NCAM2: variants seen among roughly 807,000 people sequenced by gnomAD.
NCAM2 encodes the protein neural cell adhesion molecule 2, also known as N-CAM-2.
In NCAM2, 30 loss-of-function variants were observed where a neutral mutation model predicts 98.1. The ratio of observed to expected loss-of-function variants is 0.31; its 90% confidence interval spans 0.23 to 0.41. The LOEUF is 0.41. NCAM2 is among the 10% of genes least tolerant of loss of function. The pLI is 1.00. For missense variants in NCAM2, 867 were observed against 1,005.8 expected (o/e 0.86, Z 1.87); for synonymous variants, 368 against 342.4 (o/e 1.07, Z -0.83).
intron 1 of NCAM2, among the ~76,000 whole-genome samples, chr21:21,058,516 A>G (rs796482505): frequency 5.3e-5 from 8 of 152,252 alleles, no homozygotes; most frequent in African/African-American, 1.9e-4. Context: ...ATAAAAAGAA[A>G]CATGTAGCTA....
chr21:21,170,156 G>T (rs1271905890), intron 1 of NCAM2, among the ~76,000 whole-genome samples: 4 of 152,168 alleles, frequency 2.6e-5, no homozygotes. Context: ...TTGGTGGCGT[G>T]AATGGAAAAT....
intron 6 of NCAM2, among the ~76,000 whole-genome samples, chr21:21,329,110 A>T (rs755403008): frequency 6.6e-6 from 1 of 151,866 alleles, no homozygotes; most frequent in South Asian, 2.1e-4. Context: ...ATGTGCCACC[A>T]TGCCCGGCTA....
chr21:21,523,942 G>A (rs1989174521), intron 16 of NCAM2, among the ~76,000 whole-genome samples: 1 of 151,500 alleles, frequency 6.6e-6, no homozygotes, highest in South Asian at 2.1e-4. Context: ...CATTGTATCA[G>A]TAATTACCTG....
chr21:21,361,941 T>TACG (rs1297095971), intron 8 of NCAM2, among the ~76,000 whole-genome samples: 1 of 152,152 alleles, frequency 6.6e-6, no homozygotes, highest in African/African-American at 2.4e-5. Flanking sequence ...TACAGGTTTG[T>TACG]TATATAGGTA....
chr21:21,001,478 A>G (rs2064018805), intron 1 of NCAM2, among the ~76,000 whole-genome samples: 1 of 152,236 alleles, frequency 6.6e-6, no homozygotes, highest in African/African-American at 2.4e-5. Context: ...ACTTGGTCAC[A>G]GGCTTTGTAA....
intron 1 of NCAM2, among the ~76,000 whole-genome samples, chr21:21,092,918 A>G (rs1370923623): frequency 6.6e-6 from 1 of 152,086 alleles, no homozygotes; most frequent in East Asian, 1.9e-4. Context: ...AAAGCTAACA[A>G]TGTAAGTTTT....
At chr21:21,401,326 A>G (rs1345220258) in intron 9 of NCAM2, among the ~76,000 whole-genome samples, 1 of 152,158 alleles carries the variant, frequency 6.6e-6, no homozygotes, top group Non-Finnish European at 1.5e-5. Context: ...TGGTGAGAAC[A>G]TTTGAAATGT....
chr21:21,163,442 A>G (rs1438562230), intron 1 of NCAM2, among the ~76,000 whole-genome samples: 1 of 151,362 alleles, frequency 6.6e-6, no homozygotes, highest in Non-Finnish European at 1.5e-5. Context: ...ATTAATCAGC[A>G]CTCTTCCCTC....
At chr21:21,276,138 T>C (rs991148327) in intron 1 of NCAM2, among the ~76,000 whole-genome samples, 3 of 152,098 alleles carry the variant, frequency 2.0e-5, no homozygotes, top group African/African-American at 7.2e-5. Flanking sequence ...TAAAGTCTTC[T>C]TGATCATAAA....
In NCAM2 at chr21:21,338,448, C is replaced by T. The variant is rs1280231775; in HGVS notation, c.958C>T (p.Leu320Phe). 6 of 1,612,686 alleles carry T rather than the reference C, an allele frequency of 3.7e-6. No individual in the cohort carries two copies. Among genetic ancestry groups the T allele is most frequent in the Non-Finnish European group, 2.5e-6 (3 of 1,179,238 alleles). The change falls in exon 8 of 18, where the codon CTC becomes TTC. Residue 320 changes from leucine to phenylalanine, a missense_variant. By Grantham distance (22) the Leu-to-Phe change is conservative (BLOSUM62 0). This residue lies in a region of NCAM2 where 447 missense variants were observed against 495.7 expected (regional missense o/e 0.90). Transcript: ENST00000400546. ...ETTYENGQVT[L>F]VCDAEGEPIP... is the part of the protein sequence containing the mutation. Reference sequence around the variant, plus strand: ...TACATATGAGAATGGTCAAGTCACACTCGTATGTGATGCGGAAGGGGAGCC... The same window carrying T: ...TACATATGAGAATGGTCAAGTCACATTCGTATGTGATGCGGAAGGGGAGCC...
intron 1 of NCAM2, among the ~76,000 whole-genome samples, chr21:21,227,324 A>AG (rs2070427317): frequency 6.6e-6 from 1 of 151,890 alleles, no homozygotes; most frequent in Non-Finnish European, 1.5e-5. Context: ...TACAAAGAAA[A>AG]GGTAGTTACT....
intron 4 of NCAM2, among the ~76,000 whole-genome samples, chr21:21,289,664 C>A (rs781433366): frequency 1.3e-5 from 2 of 151,770 alleles, no homozygotes; most frequent in South Asian, 4.1e-4. Context: ...ATGAGTAAAT[C>A]TAACTAGGAT....
At chr21:21,158,039 G>A (rs1216465818) in intron 1 of NCAM2, among the ~76,000 whole-genome samples, 4 of 151,990 alleles carry the variant, frequency 2.6e-5, no homozygotes, top group African/African-American at 4.8e-5. Context: ...TGTAATCTTC[G>A]GAAATTTAAA....
intron 8 of NCAM2, among the ~76,000 whole-genome samples, chr21:21,358,113 T>A (rs2075544122): frequency 6.6e-6 from 1 of 152,090 alleles, no homozygotes; most frequent in Non-Finnish European, 1.5e-5. Flanking sequence ...TGCAAGATCA[T>A]CAATGTCTAA....
chr21:21,351,134 A>AAAAAAAAAG (rs1568966670), intron 8 of NCAM2, among the ~76,000 whole-genome samples: 1 of 150,096 alleles, frequency 6.7e-6, no homozygotes, highest in African/African-American at 2.4e-5. Context: ...AAAAAAAAAA[A>AAAAAAAAAG]AAAAAAAAGA....
rs554998605 is a variant in NCAM2, at chr21:21,091,470, A to G, written c.55+92852A>G. On this transcript the variant is annotated intron_variant, in intron 1 of 17. Coordinates refer to ENST00000400546, the MANE Select transcript of NCAM2 (RefSeq NM_004540.5). ...AAAGTACATAGTGATTTTTTAATAC[A>G]TATGTATTAGTATGTTTTCACGATG... Among the ~76,000 whole-genome samples, 73 of 152,200 alleles carry G rather than the reference A, an allele frequency of 4.8e-4. 1 individual carries two copies. In the South Asian group the frequency reaches 0.014, roughly 30 times the overall value.
intron 9 of NCAM2, among the ~76,000 whole-genome samples, chr21:21,375,682 GTTTA>G (rs2076017422): frequency 6.7e-6 from 1 of 148,654 alleles, no homozygotes; most frequent in South Asian, 2.1e-4. Flanking sequence ...ATTAAAATTT[GTTTA>G]TTTAAACCAA....
intron 1 of NCAM2, among the ~76,000 whole-genome samples, chr21:21,068,794 G>A (rs1440385275): frequency 2.6e-5 from 4 of 151,992 alleles, no homozygotes; most frequent in South Asian, 2.1e-4. Flanking sequence ...TCTGCGTAAC[G>A]GGTGCTACAC....
rs545940716 is a variant in NCAM2 at position 21,394,523 on chromosome 21, C to T, written c.1196-15751C>T. On this transcript the variant is annotated intron_variant, in intron 9 of 17. Transcript: ENST00000400546. ...TTTTTTTTTGAGACAGAGTTGCGCT[C>T]TGTTGCCCAGGCTGGACTGCAGTGG... is the stretch of plus-strand genomic sequence containing the variant. 7.6e-5 allele frequency among the ~76,000 whole-genome samples: 8 copies of T among 105,556 alleles called. No homozygotes were observed. The South Asian group carries it at 2.8e-3, about 36-fold the overall frequency. 69.2% of individuals were successfully genotyped at this position (105,556 alleles called of 152,430 possible). A position where few individuals can be genotyped will look rare whatever the true frequency, so the allele number is the denominator to read the frequency against.
Sources: allele counts gnomAD v4.1 joint callset (sites outside exome capture counted in the v4.1 genomes callset), GRCh38; gene constraint gnomAD v4.1.1; regional missense constraint gnomAD v4.1.1; transcripts MANE v1.5; gene names NCBI Gene and HGNC (gene_info 2026-07-23, HGNC 2026-07-21).